Variants in MGST2 observed in about 807,000 individuals in gnomAD.
MGST2 encodes the protein glutathione peroxidase MGST2.
A neutral mutation model predicts 16.6 loss-of-function variants in MGST2; 9 were observed. The observed-to-expected ratio is 0.54, with a 90% confidence interval of 0.33 to 0.95. The LOEUF is 0.95. MGST2 is among the 40% of genes least tolerant of loss of function. The probability of loss-of-function intolerance (pLI) is 0.03; values close to 1 mark genes in which losing one functional copy is unlikely to be tolerated. For missense variants in MGST2, 159 were observed against 175.1 expected (o/e 0.91, Z 0.52); for synonymous variants, 79 against 68.0 (o/e 1.16, Z -0.79).
the MGST2 span, among the ~76,000 whole-genome samples, chr4:139,749,257 T>C: frequency 6.6e-6 from 1 of 152,174 alleles, no homozygotes; most frequent in African/African-American, 2.4e-5. Flanking sequence ...CCAGGTTTCT[T>C]TGCATTAACA....
downstream of MGST2, among the ~76,000 whole-genome samples, chr4:139,706,895 C>T (rs369438989): frequency 3.3e-5 from 5 of 152,162 alleles, no homozygotes; most frequent in South Asian, 2.1e-4. Flanking sequence ...GGTTTCTGAT[C>T]GGTTTGACAA....
At position 139,735,909 on chromosome 4, in the gene MGST2, G is replaced by C. The variant is rs28409956; in HGVS notation, c.*49-4303G>C. ...GAGGGGCCCTGGAGGTCCTCGGCCC[G>C]CGCGCGCCGCTCGGGAGCCCGCGAG... On this transcript the variant is annotated intron_variant, in intron 5 of 5. Coordinates refer to the MGST2 transcript ENST00000616265. This position sits in a 1 kb window ranked among gnomAD's most constrained non-coding sequence, Gnocchi z 5.8. Among the ~76,000 whole-genome samples the C allele has an allele frequency of 6.6e-6, 1 of 151,908 alleles. No homozygotes were observed. The highest frequency in any genetic ancestry group is 2.4e-5 in the African/African-American group (1 of 41,394).
At chr4:139,705,746 T>C (rs1231491497), downstream of MGST2, 2 of 152,190 alleles carry the variant, frequency 1.3e-5, no homozygotes, top group African/African-American at 4.8e-5. Context: ...TGCTCACGGC[T>C]GTAGAACGTG....
chr4:139,715,245 G>A lies in MGST2; in HGVS notation c.*48+11049G>A, dbSNP rs1000019076. ...CCAGGTACCCCACCACTTACCCAAA[G>A]TCTTCCAATCAGTGCTGCAGTCTAT... On this transcript the variant is annotated intron_variant, in intron 5 of 5. Transcript: ENST00000616265. This position sits in a 1 kb window ranked among gnomAD's most constrained non-coding sequence, Gnocchi z 4.4. Among the ~76,000 whole-genome samples, 2 of 152,170 alleles carry A rather than the reference G, an allele frequency of 1.3e-5. No homozygotes were observed. Among genetic ancestry groups the A allele is most frequent in the African/African-American group, 4.8e-5 (2 of 41,452 alleles).
chr4:139,716,143 T>G (rs757052051), intron 5 of MGST2, among the ~76,000 whole-genome samples: 5 of 152,186 alleles, frequency 3.3e-5, no homozygotes, highest in African/African-American at 1.2e-4. Context: ...TATCTGAGTT[T>G]GTTCAGACAA....
At chr4:139,719,896 C>T (rs768269753) in intron 5 of MGST2, 7 of 1,613,882 alleles carry the variant, frequency 4.3e-6, no homozygotes, top group Admixed American at 1.7e-5. Context: ...GGCTCTGCAG[C>T]CTTGGAGGGG....
chr4:139,740,073 G>A (rs1729108323), intron 5 of MGST2: 1 of 152,098 alleles, frequency 6.6e-6, no homozygotes, highest in Non-Finnish European at 1.5e-5. Flanking sequence ...CAACTAGGTC[G>A]GCTTTACATT....
At chr4:139,678,929 A>G in intron 2 of MGST2, 1 of 510,712 alleles carries the variant, frequency 2.0e-6, no homozygotes, top group Non-Finnish European at 3.5e-6. Flanking sequence ...ACTGGGTCAA[A>G]GAGGCCCCCT....
intron 3 of MGST2, chr4:139,698,703 A>C: frequency 1.6e-6 from 1 of 634,886 alleles, no homozygotes; most frequent in Non-Finnish European, 2.8e-6. Context: ...AGATAAAAAG[A>C]CATTTTGGAA....
intron 5 of MGST2, among the ~76,000 whole-genome samples, chr4:139,722,415 CT>C (rs1728273115): frequency 6.6e-6 from 1 of 152,084 alleles, no homozygotes; most frequent in Non-Finnish European, 1.5e-5. Context: ...AAGGAATTAA[CT>C]TGTCTTTACA....
intron 5 of MGST2, among the ~76,000 whole-genome samples, chr4:139,723,710 C>T (rs1728353319): frequency 6.6e-6 from 1 of 152,082 alleles, no homozygotes; most frequent in Admixed American, 6.5e-5. Context: ...CCCCTTTTCC[C>T]CCACAAATAA....
chr4:139,680,814 T>C lies in MGST2; in HGVS notation c.158+2172T>C, dbSNP rs542930741. Among the ~76,000 whole-genome samples, 11 of 152,304 alleles carry C rather than the reference T, an allele frequency of 7.2e-5. No homozygotes were observed. The East Asian group carries it at 2.1e-3, about 29-fold the overall frequency. Reference sequence around the variant, plus strand: ...TGAAAAAATTTGCTCCATGGCTTCCTAGTTCCCACTGATATTGTTGAGATG... The same window carrying C: ...TGAAAAAATTTGCTCCATGGCTTCCCAGTTCCCACTGATATTGTTGAGATG... On this transcript the variant is annotated intron_variant, in intron 2 of 4. Coordinates refer to ENST00000265498, the MANE Select transcript of MGST2 (RefSeq NM_002413.5).
chr4:139,708,149 C>T (rs2110919510), downstream of MGST2, among the ~76,000 whole-genome samples: 1 of 152,306 alleles, frequency 6.6e-6, no homozygotes, highest in East Asian at 1.9e-4. Flanking sequence ...TGCCTATGTC[C>T]TGAATGATAT....
At position 139,665,917 on chromosome 4, in the gene MGST2, A is replaced by C. The variant is rs887901327; in HGVS notation, c.-103A>C. The C allele has an allele frequency of 2.4e-5, 29 of 1,186,492 alleles. No homozygotes were observed. Among genetic ancestry groups the C allele is most frequent in the Non-Finnish European group, 3.5e-5 (28 of 803,702 alleles). The allele number at this position is 1,186,492 out of a possible 1,614,324, so 73.5% of individuals were successfully genotyped here. A position where few individuals can be genotyped will look rare whatever the true frequency, so the allele number is the denominator to read the frequency against. ...CCGCTTGAATCAGCCTTTTCCCCCC[A>C]CCCGGTCCCCAACTTTGTTTACCCG... is the stretch of plus-strand genomic sequence containing the variant. On this transcript the variant is annotated 5_prime_UTR_variant, in exon 1 of 5. Transcript: ENST00000265498.
intron 2 of MGST2, among the ~76,000 whole-genome samples, chr4:139,685,826 G>C (rs1731529196): frequency 6.6e-6 from 1 of 152,128 alleles, no homozygotes; most frequent in Admixed American, 6.5e-5. Context: ...ACCACACCCG[G>C]CTAATTTTTG....
At chr4:139,722,702 A>G (rs1728284379) in intron 5 of MGST2, among the ~76,000 whole-genome samples, 1 of 152,204 alleles carries the variant, frequency 6.6e-6, no homozygotes, top group Admixed American at 6.5e-5. Context: ...CCAGAACCTA[A>G]TGAGGGAAAG....
intron 3 of MGST2, among the ~76,000 whole-genome samples, chr4:139,696,850 T>C (rs2110884405): frequency 6.6e-6 from 1 of 152,312 alleles, no homozygotes; most frequent in South Asian, 2.1e-4. Context: ...ACATTGACGA[T>C]CATATCCATA....
the MGST2 span, among the ~76,000 whole-genome samples, chr4:139,751,423 T>C: frequency 6.6e-6 from 1 of 152,172 alleles, no homozygotes; most frequent in Non-Finnish European, 1.5e-5. Context: ...GTTATACACA[T>C]AGTGTGAAGG....
intron 1 of MGST2, among the ~76,000 whole-genome samples, chr4:139,667,449 G>T (rs1190341372): frequency 6.7e-6 from 1 of 150,228 alleles, no homozygotes; most frequent in East Asian, 2.0e-4. Context: ...TTGTGCAGGG[G>T]GCTGTGTGAA....
Sources: allele counts gnomAD v4.1 joint callset (sites outside exome capture counted in the v4.1 genomes callset), GRCh38; gene constraint gnomAD v4.1.1; non-coding constraint Gnocchi (gnomAD v3.1); transcripts MANE v1.5; gene names NCBI Gene and HGNC (gene_info 2026-07-23, HGNC 2026-07-21).